Variants in NME7 observed in about 807,000 individuals in gnomAD.
NME7 encodes the protein NME/NM23 family member 7, also known as nucleoside diphosphate kinase 7.
NME7 carries 41 observed loss-of-function variants against 49.1 expected under a neutral mutation model. The observed-to-expected ratio is 0.83, with a 90% CI of 0.65 to 1.08. NME7 has a LOEUF of 1.08. NME7 is among the 50% of genes least tolerant of loss of function. The pLI, the probability that NME7 is intolerant of heterozygous loss-of-function variation, is 0.00. For synonymous variants in NME7, 139 were observed against 150.6 expected, an observed-to-expected ratio of 0.92 and a Z score of 0.56; for missense variants, 423 against 463.4, an observed-to-expected ratio of 0.91 and a Z score of 0.80.
intron 9 of NME7, among the ~76,000 whole-genome samples, chr1:169,233,158 T>C (rs1431377912): frequency 1.3e-5 from 2 of 152,050 alleles, no homozygotes; most frequent in Non-Finnish European, 2.9e-5. Context: ...TTATAGCATA[T>C]ATAGATGTAA....
At chr1:169,157,804 A>G (rs954245895) in intron 11 of NME7, among the ~76,000 whole-genome samples, 21 of 152,216 alleles carry the variant, frequency 1.4e-4, no homozygotes, top group Admixed American at 9.8e-4. Flanking sequence ...CACAGGGTCT[A>G]GGCTTTCCTC....
At chr1:169,172,722 C>G (rs1486850777) in intron 10 of NME7, among the ~76,000 whole-genome samples, 1 of 152,160 alleles carries the variant, frequency 6.6e-6, no homozygotes, top group Non-Finnish European at 1.5e-5. Context: ...CTAAATCTAC[C>G]TCACTCACAC....
Position 169,319,276 on chromosome 1 carries a change from G to A in NME7, c.278+3841C>T, listed in dbSNP as rs568820165. 2.9e-4 allele frequency among the ~76,000 whole-genome samples: 44 copies of A among 152,044 alleles called. No individual in the cohort carries two copies. In the South Asian group the frequency reaches 3.3e-3, roughly 11 times the overall value. On this transcript the variant is annotated intron_variant, in intron 3 of 11. Transcript: ENST00000367811. The stretch of plus-strand genomic sequence containing the variant: ...TGCCAAATCTTCACATAGAAAAAAC[G>A]TATAGTTCATATGAGTCAAATTCTA...
chr1:169,287,560 G>C (rs1650327316), intron 6 of NME7, 152 bp from the exon 7 acceptor site: 1 of 573,562 alleles, frequency 1.7e-6, no homozygotes, highest in Non-Finnish European at 3.0e-6. Flanking sequence ...GTTTTACAAA[G>C]ACACACTGAT....
At chr1:169,351,889 A>G (rs1371071510) in intron 1 of NME7, among the ~76,000 whole-genome samples, 3 of 152,042 alleles carry the variant, frequency 2.0e-5, no homozygotes, top group Non-Finnish European at 4.4e-5. Context: ...AATCCAAAAC[A>G]TGAAAACACC....
intron 3 of NME7, among the ~76,000 whole-genome samples, chr1:169,314,815 C>A (rs1651548625): frequency 6.6e-6 from 1 of 151,752 alleles, no homozygotes; most frequent in African/African-American, 2.4e-5. Context: ...GAAAGGCACA[C>A]ATAGAAGAGA....
chr1:169,141,789 A>C (rs966902336), intron 11 of NME7, among the ~76,000 whole-genome samples: 6 of 152,138 alleles, frequency 3.9e-5, no homozygotes, highest in African/African-American at 1.4e-4. Flanking sequence ...AAAAGTGAAA[A>C]AGCTCTTAGA....
intron 8 of NME7, 137 bp from the exon 9 acceptor site, chr1:169,235,336 G>T: frequency 2.0e-6 from 1 of 488,160 alleles, no homozygotes; most frequent in Non-Finnish European, 3.6e-6. Context: ...ACTCTTTGAA[G>T]AAAAAGTGTT....
intron 7 of NME7, among the ~76,000 whole-genome samples, chr1:169,270,755 G>T (rs1470634119): frequency 7.5e-6 from 1 of 132,994 alleles, no homozygotes; most frequent in Non-Finnish European, 1.8e-5. Context: ...TTAATCCTTA[G>T]TTACCCCATG....
At position 169,157,907 on chromosome 1, in the gene NME7, T is replaced by C. The variant is rs537210735; in HGVS notation, c.1098+11540A>G. The stretch of plus-strand genomic sequence containing the variant: ...TGTCCTTTTTGATGGAGGTTTTTTA[T>C]CTTTTTGGTAAATTTGTTTAAGTTT... On this transcript the variant is annotated intron_variant, in intron 11 of 11. Coordinates refer to ENST00000367811, the MANE Select transcript of NME7 (RefSeq NM_013330.5). 2.9e-4 allele frequency among the ~76,000 whole-genome samples: 44 copies of C among 152,338 alleles called. 1 individual carries two copies. Among genetic ancestry groups the C allele is most frequent in the African/African-American group, 9.4e-4 (39 of 41,578 alleles).
intron 1 of NME7, among the ~76,000 whole-genome samples, chr1:169,348,295 G>C (rs1420054435): frequency 1.4e-5 from 2 of 147,362 alleles, no homozygotes; most frequent in East Asian, 4.0e-4. Flanking sequence ...TTATTTTGTA[G>C]TTTCCTGATT....
chr1:169,243,163 C>T (rs965788348), intron 7 of NME7, among the ~76,000 whole-genome samples: 3 of 151,842 alleles, frequency 2.0e-5, no homozygotes, highest in African/African-American at 4.8e-5. Flanking sequence ...CTGCAATAAC[C>T]GAAAGATGGT....
intron 11 of NME7, among the ~76,000 whole-genome samples, chr1:169,136,267 T>G (rs1329955355): frequency 6.6e-6 from 1 of 152,128 alleles, no homozygotes; most frequent in Non-Finnish European, 1.5e-5. Context: ...GATTAGGCCT[T>G]GGGGAGGTTC....
rs1322828160 is a variant in NME7 at position 169,190,898 on chromosome 1, C to T, written c.991-21344G>A. Among the ~76,000 whole-genome samples the T allele has an allele frequency of 1.1e-4, 7 of 65,154 alleles. 2 individuals are homozygous for T. Among genetic ancestry groups the T allele is most frequent in the South Asian group, 4.4e-4 (1 of 2,270 alleles). The allele number at this position is 65,154 out of a possible 152,430, so 42.7% of individuals were successfully genotyped here. On this transcript the variant is annotated intron_variant, in intron 10 of 11. Coordinates refer to ENST00000367811, the MANE Select transcript of NME7 (RefSeq NM_013330.5). Reference sequence around the variant, plus strand: ...CGGGATCTCGGCTCACTGCAAGCTCCGCCTCCCGGGTTCACGCCATTCTCC... The same window carrying T: ...CGGGATCTCGGCTCACTGCAAGCTCTGCCTCCCGGGTTCACGCCATTCTCC...
rs575702204 is a variant in NME7, at chr1:169,152,728, G to A, written c.1098+16719C>T. Among the ~76,000 whole-genome samples the A allele has an allele frequency of 7.2e-5, 11 of 152,218 alleles. No homozygotes were observed. The South Asian group carries it at 2.1e-3, about 29-fold the overall frequency. ...TGAATGGTCCTATTTTAGACTACCA[G>A]GTCCTTAAGACTTGTTACTGGATGA... On this transcript the variant is annotated intron_variant, in intron 11 of 11. Transcript: ENST00000367811.
At chr1:169,302,417 T>C (rs1299097877) in intron 5 of NME7, 1 of 152,166 alleles carries the variant, frequency 6.6e-6, no homozygotes, top group Non-Finnish European at 1.5e-5. Flanking sequence ...TGGAATACCA[T>C]GCTGCAATAA....
chr1:169,329,003 C>T (rs926219644), intron 1 of NME7, among the ~76,000 whole-genome samples: 1 of 152,136 alleles, frequency 6.6e-6, no homozygotes, highest in Non-Finnish European at 1.5e-5. Context: ...CCACAAGTAT[C>T]AAGATCATCC....
chr1:169,318,679 A>G (rs913994036), intron 3 of NME7, among the ~76,000 whole-genome samples: 3 of 152,266 alleles, frequency 2.0e-5, no homozygotes, highest in African/African-American at 7.2e-5. Context: ...GCTTAAACAT[A>G]TGGTTTTACA....
At chr1:169,350,012 G>A (rs1310745629) in intron 1 of NME7, among the ~76,000 whole-genome samples, 2 of 151,900 alleles carry the variant, frequency 1.3e-5, no homozygotes, top group African/African-American at 2.4e-5. Flanking sequence ...CCAACATAGT[G>A]ACACCCTGCC....
Sources: allele counts gnomAD v4.1 joint callset (sites outside exome capture counted in the v4.1 genomes callset), GRCh38; gene constraint gnomAD v4.1.1; transcripts MANE v1.5; gene names NCBI Gene and HGNC (gene_info 2026-07-23, HGNC 2026-07-21).